Variants in LPAR6 observed in about 807,000 individuals in gnomAD.
The protein encoded by LPAR6 is lysophosphatidic acid receptor 6, also known as G-protein coupled purinergic receptor P2Y5.
In LPAR6, 17 loss-of-function variants were observed where a neutral mutation model predicts 22.0. The ratio of observed to expected loss-of-function variants is 0.77; its 90% CI spans 0.53 to 1.16. The LOEUF is 1.16. Ranked by LOEUF, LPAR6 falls within the 50% of genes most tolerant of loss-of-function variation. The pLI, the probability that LPAR6 is intolerant of heterozygous loss-of-function variation, is 0.00. For missense variants in LPAR6, 384 were observed against 406.9 expected (o/e 0.94, Z 0.48); for synonymous variants, 136 against 139.8 (o/e 0.97, Z 0.19).
At chr13:48,396,326 C>A (rs1295831442) in intron 1 of LPAR6, among the ~76,000 whole-genome samples, 1 of 152,068 alleles carries the variant, frequency 6.6e-6, no homozygotes, top group African/African-American at 2.4e-5. Flanking sequence ...AGAACAGAGA[C>A]CTCAGAAATA....
At position 48,403,146 on chromosome 13, in the gene LPAR6, G is replaced by A. The variant is rs533244076; in HGVS notation, n.114+12554C>T. 8.5e-5 allele frequency among the ~76,000 whole-genome samples: 13 copies of A among 152,244 alleles called. No homozygotes were observed. In the East Asian group the frequency reaches 2.5e-3, roughly 29 times the overall value. On this transcript the variant is annotated intron_variant and non_coding_transcript_variant, in intron 1 of 1. Coordinates refer to the LPAR6 transcript ENST00000462781. ...ATTTAAAGATCTCCTGTGTTTTGAT[G>A]TAAAAACACTATTTTTTAGCAGCAG...
chr13:48,392,330 C>G (rs141914442), intron 1 of LPAR6, among the ~76,000 whole-genome samples: 1 of 152,070 alleles, frequency 6.6e-6, no homozygotes, highest in Non-Finnish European at 1.5e-5. Context: ...AGGCTGGTCT[C>G]GAACTCCTGA....
downstream of LPAR6, among the ~76,000 whole-genome samples, chr13:48,408,131 T>A (rs992543588): frequency 1.3e-5 from 2 of 152,112 alleles, no homozygotes; most frequent in African/African-American, 4.8e-5. Context: ...AGTGACTAAT[T>A]TCTTTAAATA....
chr13:48,435,572 A>G (rs1270066938), intron 1 of LPAR6, among the ~76,000 whole-genome samples: 1 of 152,192 alleles, frequency 6.6e-6, no homozygotes, highest in Non-Finnish European at 1.5e-5. Context: ...TTTAATTTTC[A>G]TAAAGTCCAG....
chr13:48,443,055 C>T lies in LPAR6; in HGVS notation c.-1474+1498G>A, dbSNP rs75658264. On this transcript the variant is annotated intron_variant, in intron 1 of 6. Transcript: ENST00000378434. ...TTTTAAGACATTTAATTAATAAATCCATTTGAAACACATTTTAAAATGTGT... is the reference window on the plus strand; with the variant it reads ...TTTTAAGACATTTAATTAATAAATCTATTTGAAACACATTTTAAAATGTGT... Among the ~76,000 whole-genome samples the T allele has an allele frequency of 3.1e-3, 464 of 151,586 alleles. 5 individuals carry two copies. The highest frequency in any genetic ancestry group is 0.011 in the African/African-American group (443 of 41,336).
At chr13:48,417,304 A>C (rs1948928259), upstream of LPAR6, 1 of 152,578 alleles carries the variant, frequency 6.6e-6, no homozygotes, top group Non-Finnish European at 1.5e-5. Context: ...GTGGACCTCC[A>C]GCAAATTCCA....
At chr13:48,410,586 G>A (rs139777481), downstream of LPAR6, among the ~76,000 whole-genome samples, 326 of 152,226 alleles carry the variant, frequency 2.1e-3, 2 homozygotes, top group African/African-American at 7.4e-3. Flanking sequence ...TGATGTAAGT[G>A]CACCTTTAAA....
chr13:48,411,838 G>C lies in LPAR6; in HGVS notation c.586C>G (p.Pro196Ala), dbSNP rs748588688. 1.2e-6 allele frequency: 2 copies of C among 1,612,832 alleles called. No individual in the cohort carries two copies. Among genetic ancestry groups the C allele is most frequent in the Admixed American group, 3.3e-5 (2 of 60,002 alleles). ...IFIEIVGFFI[P>A]LILNVTCSSM... Reference sequence around the variant, plus strand: ...GAACAAGTTACATTTAAAATTAGAGGAATAAAAAATCCCACTATTTCGATG... The same window carrying C: ...GAACAAGTTACATTTAAAATTAGAGCAATAAAAAATCCCACTATTTCGATG... The change falls in exon 1 of 1, where the codon CCT becomes GCT. Residue 196 changes from proline to alanine, a missense_variant. Pro to Ala is a conservative substitution (Grantham distance 27). Transcript: ENST00000620633.
At chr13:48,434,885 T>G (rs1232708934) in intron 1 of LPAR6, among the ~76,000 whole-genome samples, 4 of 152,264 alleles carry the variant, frequency 2.6e-5, no homozygotes, top group Non-Finnish European at 4.4e-5. Flanking sequence ...CGATATTGCA[T>G]GTATCAATAG....
intron 1 of LPAR6, among the ~76,000 whole-genome samples, chr13:48,390,343 C>T (rs941240812): frequency 6.6e-6 from 1 of 152,100 alleles, no homozygotes; most frequent in Non-Finnish European, 1.5e-5. Flanking sequence ...CTTAGAATTT[C>T]TGGAGACAGA....
At chr13:48,406,445 T>G (rs1301461390), downstream of LPAR6, 2 of 152,184 alleles carry the variant, frequency 1.3e-5, no homozygotes, top group Non-Finnish European at 2.9e-5. Flanking sequence ...GAAGAGCCCT[T>G]TAAATTGTAT....
At chr13:48,422,938 C>A (rs1271464057) in intron 1 of LPAR6, 2 of 152,152 alleles carry the variant, frequency 1.3e-5, no homozygotes, top group African/African-American at 4.8e-5. Context: ...ACCAGGATTT[C>A]AAGACCAGCC....
At chr13:48,409,125 G>A (rs1201730988), downstream of LPAR6, among the ~76,000 whole-genome samples, 1 of 148,380 alleles carries the variant, frequency 6.7e-6, no homozygotes, top group Non-Finnish European at 1.5e-5. Context: ...ATCTTCACTA[G>A]TTTTTTGGGT....
chr13:48,390,489 A>G (rs1013152396), intron 1 of LPAR6, among the ~76,000 whole-genome samples: 2 of 152,170 alleles, frequency 1.3e-5, no homozygotes, highest in African/African-American at 2.4e-5. Flanking sequence ...AATAAAGACT[A>G]ATGTCTTCAG....
chr13:48,409,560 G>T (rs1282807246), downstream of LPAR6, among the ~76,000 whole-genome samples: 2 of 144,538 alleles, frequency 1.4e-5, no homozygotes, highest in Non-Finnish European at 3.0e-5. Context: ...TAACTTTGGA[G>T]AACTGCTTGA....
chr13:48,399,428 A>G (rs1197986311), intron 1 of LPAR6, among the ~76,000 whole-genome samples: 1 of 152,080 alleles, frequency 6.6e-6, no homozygotes, highest in Non-Finnish European at 1.5e-5. Flanking sequence ...CAGAAAGAAT[A>G]CAAACAAAAA....
intron 1 of LPAR6, among the ~76,000 whole-genome samples, chr13:48,397,669 A>G (rs909560250): frequency 3.3e-5 from 5 of 152,028 alleles, no homozygotes; most frequent in Admixed American, 1.3e-4. Flanking sequence ...TTTAAAATAT[A>G]TCTTTCAAAT....
intron 1 of LPAR6, among the ~76,000 whole-genome samples, chr13:48,435,748 T>C (rs1246114315): frequency 3.3e-5 from 5 of 152,174 alleles, no homozygotes; most frequent in Non-Finnish European, 5.9e-5. Context: ...GTTGAGGTTT[T>C]TTTAGGGGGT....
At chr13:48,414,006 C>T (rs115609609), upstream of LPAR6, among the ~76,000 whole-genome samples, 1,525 of 152,138 alleles carry the variant, frequency 0.01, 37 homozygotes, top group African/African-American at 0.035. Context: ...GATTTTGTCT[C>T]CATCTAAAAG....
Sources: gnomAD v4.1 joint callset for allele counts (sites outside exome capture counted in the v4.1 genomes callset) on GRCh38, gnomAD v4.1.1 for gene constraint, MANE v1.5 for transcripts, NCBI Gene and HGNC (gene_info 2026-07-23, HGNC 2026-07-21) for gene names.